Variants in SPAG17 observed in about 807,000 individuals in gnomAD.
SPAG17 encodes sperm-associated antigen 17.
Under a neutral mutation model 273.6 loss-of-function variants are expected in SPAG17, and 169 were observed. The observed-to-expected ratio is 0.62, with a 90% CI of 0.55 to 0.70. SPAG17 has a LOEUF of 0.70. Ranked by LOEUF, SPAG17 falls within the 30% of genes least tolerant of loss-of-function variation. The pLI is 0.00. For synonymous variants in SPAG17, 825 were observed against 873.2 expected, an observed-to-expected ratio of 0.94 and a Z score of 0.97; for missense variants, 2,557 against 2,627.8, an observed-to-expected ratio of 0.97 and a Z score of 0.59.
chr1:118,037,674 T>C (rs887082312), intron 23 of SPAG17, among the ~76,000 whole-genome samples: 9 of 152,316 alleles, frequency 5.9e-5, no homozygotes, highest in South Asian at 2.1e-4. Context: ...GCAAAGTATA[T>C]GTTTTAGTTT....
intron 1 of SPAG17, among the ~76,000 whole-genome samples, chr1:118,157,861 T>C (rs1418624191): frequency 6.6e-6 from 1 of 152,208 alleles, no homozygotes; most frequent in Non-Finnish European, 1.5e-5. Context: ...GCAATAATCC[T>C]AGCCATCCTT....
intron 48 of SPAG17, chr1:117,954,531 A>G: frequency 6.4e-7 from 1 of 1,565,688 alleles, no homozygotes; most frequent in African/African-American, 1.4e-5. Context: ...AACAAGTGCT[A>G]CCTAAGTCTC....
At chr1:118,164,854 A>C (rs1373787672) in intron 1 of SPAG17, among the ~76,000 whole-genome samples, 2 of 152,224 alleles carry the variant, frequency 1.3e-5, no homozygotes, top group Admixed American at 1.3e-4. Flanking sequence ...ATAAATGGGA[A>C]TACTACTTTT....
intron 3 of SPAG17, among the ~76,000 whole-genome samples, chr1:118,142,428 C>G (rs1658732008): frequency 6.6e-6 from 1 of 152,072 alleles, no homozygotes; most frequent in Non-Finnish European, 1.5e-5. Context: ...TTTAACACTA[C>G]TGAATTATAC....
At chr1:117,994,643 G>T in intron 34 of SPAG17, 113 bp from the exon 35 acceptor site, 1 of 1,065,962 alleles carries the variant, frequency 9.4e-7, no homozygotes, top group Non-Finnish European at 1.3e-6. Context: ...AGACATGAAA[G>T]ACTAATGAGA....
intron 3 of SPAG17, among the ~76,000 whole-genome samples, chr1:118,119,119 G>T (rs528166081): frequency 2.6e-5 from 4 of 152,132 alleles, no homozygotes; most frequent in Non-Finnish European, 5.9e-5. Flanking sequence ...ATGTATGTGT[G>T]TGTGCATACA....
intron 4 of SPAG17, among the ~76,000 whole-genome samples, chr1:118,104,864 G>C (rs138511245): frequency 4.5e-4 from 69 of 152,312 alleles, no homozygotes; most frequent in Non-Finnish European, 7.2e-4. Context: ...CAGAACCAGA[G>C]CTCTGAGTTG....
intron 13 of SPAG17, among the ~76,000 whole-genome samples, chr1:118,085,250 G>A (rs1025150812): frequency 4.6e-5 from 7 of 152,128 alleles, no homozygotes; most frequent in African/African-American, 7.2e-5. Flanking sequence ...AGAATGGAAA[G>A]AGACAGAAGA....
At chr1:118,060,496 C>T (rs1652170117) in intron 18 of SPAG17, among the ~76,000 whole-genome samples, 1 of 152,102 alleles carries the variant, frequency 6.6e-6, no homozygotes, top group South Asian at 2.1e-4. Context: ...AATGAATCAT[C>T]ACAACTAGTT....
chr1:118,048,108 G>A (rs533458285), intron 20 of SPAG17, among the ~76,000 whole-genome samples: 62 of 152,122 alleles, frequency 4.1e-4, no homozygotes, highest in African/African-American at 1.2e-3. Flanking sequence ...GGCTGGTGCC[G>A]AAAGCCCCAG....
chr1:118,099,410 T>C (rs892607255), intron 6 of SPAG17, among the ~76,000 whole-genome samples, 196 bp downstream of exon 6: 1 of 152,212 alleles, frequency 6.6e-6, no homozygotes, highest in African/African-American at 2.4e-5. Flanking sequence ...GGGATATAAA[T>C]ACAGGGTATG....
intron 3 of SPAG17, among the ~76,000 whole-genome samples, chr1:118,134,022 A>C (rs1658203399): frequency 6.6e-6 from 1 of 152,254 alleles, no homozygotes; most frequent in Admixed American, 6.5e-5. Flanking sequence ...AAAAGGTTGA[A>C]GAGGGCATGG....
intron 18 of SPAG17, among the ~76,000 whole-genome samples, chr1:118,064,771 A>C (rs1374882059): frequency 6.6e-6 from 1 of 151,368 alleles, no homozygotes; most frequent in Non-Finnish European, 1.5e-5. Context: ...AAATAAAATA[A>C]AAAAAGAAAG....
chr1:118,151,213 AG>A lies in SPAG17; in HGVS notation c.228+15del, dbSNP rs1187577171. On this transcript the variant is annotated intron_variant, in intron 2 of 48. Coordinates refer to ENST00000336338, the MANE Select transcript of SPAG17 (RefSeq NM_206996.4). ...AAAAGTCTTCAGGTGGCTTTGAGGT[AG>A]GAAGGGACAGGTACCTGCTGGAGAA... 1.3e-6 allele frequency: 2 copies of A among 1,519,200 alleles called. No individual in the cohort carries two copies. Among genetic ancestry groups the A allele is most frequent in the Admixed American group, 3.7e-5 (2 of 53,542 alleles). 94.1% of individuals were successfully genotyped at this position (1,519,200 alleles called of 1,614,324 possible).
intron 20 of SPAG17, 99 bp downstream of exon 20, chr1:118,053,903 C>T (rs1439737380): frequency 6.5e-6 from 5 of 773,530 alleles, no homozygotes; most frequent in Non-Finnish European, 1.0e-5. Context: ...TGCTTCTTCC[C>T]AATCACTATC....
chr1:117,970,501 A>G (rs1654431723), intron 45 of SPAG17, among the ~76,000 whole-genome samples: 1 of 152,220 alleles, frequency 6.6e-6, no homozygotes, highest in Admixed American at 6.5e-5. Flanking sequence ...TTTGGAAGGC[A>G]GTGGAGCATG....
chr1:118,112,598 T>C (rs1443465162), intron 4 of SPAG17, among the ~76,000 whole-genome samples: 2 of 152,106 alleles, frequency 1.3e-5, no homozygotes, highest in Non-Finnish European at 2.9e-5. Context: ...TTTATGGAAA[T>C]ACAGTGCATT....
intron 32 of SPAG17, among the ~76,000 whole-genome samples, chr1:118,004,316 C>T (rs1054954391): frequency 2.6e-5 from 4 of 152,182 alleles, no homozygotes; most frequent in Admixed American, 6.5e-5. Flanking sequence ...GGAGTTCAAA[C>T]GCCATGTTGG....
rs148901438 is a variant in SPAG17, at chr1:118,132,964, G to T, written c.316-17523C>A. 4.6e-3 allele frequency among the ~76,000 whole-genome samples: 693 copies of T among 152,110 alleles called. 7 individuals carry two copies. Among genetic ancestry groups the T allele is most frequent in the African/African-American group, 0.016 (666 of 41,474 alleles). ...TTTTTTGTATTTTTAGTAGAGATAG[G>T]GTTTCACTATGTTGGCCAGGATGGT... On this transcript the variant is annotated intron_variant, in intron 3 of 48. Coordinates refer to ENST00000336338, the MANE Select transcript of SPAG17 (RefSeq NM_206996.4).
Sources: gnomAD v4.1 joint callset for allele counts (sites outside exome capture counted in the v4.1 genomes callset) on GRCh38, gnomAD v4.1.1 for gene constraint, MANE v1.5 for transcripts, NCBI Gene and HGNC (gene_info 2026-07-23, HGNC 2026-07-21) for gene names.